The following STK4 variants were observed in gnomAD, a reference collection of about 807,000 sequenced individuals.
The protein encoded by STK4 is serine/threonine kinase 4, also known as serine/threonine-protein kinase 4.
STK4 carries 30 observed loss-of-function variants against 64.9 expected under a neutral mutation model. The ratio of observed to expected loss-of-function variants is 0.46; its 90% confidence interval spans 0.35 to 0.63. The LOEUF is 0.63. Ranked by LOEUF, STK4 falls within the 20% of genes least tolerant of loss-of-function variation. The pLI is 0.01. For synonymous variants in STK4, 177 were observed against 199.0 expected (o/e 0.89, Z 0.93); for missense variants, 466 against 598.5 (o/e 0.78, Z 2.31).
Position 45,000,461 on chromosome 20 carries a change from A to C in STK4, c.901A>C (p.Lys301Gln). ...RDLINEAMDV[K>Q]LKRQESQQRE... The stretch of plus-strand genomic sequence containing the variant: ...CTTAATTAATGAAGCCATGGATGTG[A>C]AACTGAAACGCCAGGAATCCCAGCA... Residue 301 changes from lysine to glutamine, a missense_variant, in exon 8 of 11, where the codon AAA (lysine) becomes CAA (glutamine). Around this residue, in one of 2 missense-constraint regions of STK4, gnomAD observed 276 missense variants for 308.9 expected, o/e 0.89. Transcript: ENST00000372806. 1 of 1,614,160 alleles carries C rather than the reference A, an allele frequency of 6.2e-7. No homozygotes were observed. The highest frequency in any genetic ancestry group is 8.5e-7 in the Non-Finnish European group (1 of 1,180,002).
chr20:45,074,025 G>A (rs1568776078), intron 10 of STK4, among the ~76,000 whole-genome samples: 1 of 152,194 alleles, frequency 6.6e-6, no homozygotes, highest in Non-Finnish European at 1.5e-5. Context: ...AACAAAGGTT[G>A]AGTTACTTCT....
intron 7 of STK4, among the ~76,000 whole-genome samples, chr20:44,998,681 C>T (rs1003371610): frequency 2.0e-5 from 3 of 152,122 alleles, no homozygotes; most frequent in African/African-American, 4.8e-5. Context: ...TGGCTTTCAA[C>T]GTGCAGTTAC....
chr20:45,051,343 T>G (rs2145438505), intron 10 of STK4, among the ~76,000 whole-genome samples: 1 of 152,360 alleles, frequency 6.6e-6, no homozygotes, highest in South Asian at 2.1e-4. Flanking sequence ...ACAATGCTTT[T>G]TATTTTTCTC....
intron 10 of STK4, among the ~76,000 whole-genome samples, chr20:45,059,494 G>A (rs1978803557): frequency 6.6e-6 from 1 of 152,146 alleles, no homozygotes; most frequent in Non-Finnish European, 1.5e-5. Flanking sequence ...GGTGACTACT[G>A]AGTGACTGAG....
intron 10 of STK4, among the ~76,000 whole-genome samples, chr20:45,032,392 A>G (rs1047221713): frequency 2.0e-5 from 3 of 152,126 alleles, no homozygotes; most frequent in Non-Finnish European, 2.9e-5. Flanking sequence ...ATAGTAACCC[A>G]TAGGTAGTTT....
At chr20:45,042,227 G>A (rs1488227237) in intron 10 of STK4, among the ~76,000 whole-genome samples, 2 of 146,634 alleles carry the variant, frequency 1.4e-5, no homozygotes, top group African/African-American at 2.5e-5. Context: ...CTTCTTTTGA[G>A]CTGTTGAAGA....
intron 2 of STK4, among the ~76,000 whole-genome samples, chr20:44,977,237 C>T (rs1207168183): frequency 6.6e-6 from 1 of 152,198 alleles, no homozygotes; most frequent in African/African-American, 2.4e-5. Flanking sequence ...GCAAGTATGA[C>T]AGCTTCTAAT....
chr20:45,014,695 T>A (rs1170383543), intron 9 of STK4, among the ~76,000 whole-genome samples: 2 of 152,122 alleles, frequency 1.3e-5, no homozygotes, highest in African/African-American at 4.8e-5. Flanking sequence ...CATGTACTCA[T>A]CCACTAAAGA....
Position 44,995,051 on chromosome 20 carries a change from T to G in STK4, c.526-39T>G, listed in dbSNP as rs369940114. The G allele has an allele frequency of 1.7e-5, 26 of 1,515,094 alleles. No homozygotes were observed. The African/African-American group carries it at 3.5e-4, about 20-fold the overall frequency. 93.9% of individuals were successfully genotyped at this position (1,515,094 alleles called of 1,614,324 possible). ...CTTCCTCTGTGGACATCTCAGTAGT[T>G]TTAAGCTTAGTGTCAGTCTCTCTCC... On this transcript the variant is annotated intron_variant, in intron 5 of 10. Transcript: ENST00000372806.
chr20:45,041,990 C>T (rs1327573290), intron 10 of STK4, among the ~76,000 whole-genome samples: 5 of 151,672 alleles, frequency 3.3e-5, no homozygotes, highest in African/African-American at 1.2e-4. Context: ...TTTAATTTTT[C>T]TATAATTTGA....
intron 10 of STK4, among the ~76,000 whole-genome samples, chr20:45,026,348 T>C (rs985688793): frequency 3.3e-5 from 5 of 151,004 alleles, no homozygotes; most frequent in South Asian, 2.1e-4. Flanking sequence ...TGTGTGTGTG[T>C]GCATAGTTTT....
Position 44,973,916 on chromosome 20 carries a change from A to G in STK4, c.116+1758A>G, listed in dbSNP as rs113823761. 4.4e-3 allele frequency among the ~76,000 whole-genome samples: 664 copies of G among 152,332 alleles called. 1 individual carries two copies. Among genetic ancestry groups the G allele is most frequent in the South Asian group, 0.017 (81 of 4,830 alleles). On this transcript the variant is annotated intron_variant, in intron 2 of 10. Coordinates refer to ENST00000372806, the MANE Select transcript of STK4 (RefSeq NM_006282.5). ...ACTGAAGCATTTTCAAGACCTCATC[A>G]TGTCAAGTCTTAAAGTATTTTTAGG... is the stretch of plus-strand genomic sequence containing the variant.
At chr20:45,035,456 T>C (rs1404623208) in intron 10 of STK4, among the ~76,000 whole-genome samples, 2 of 152,178 alleles carry the variant, frequency 1.3e-5, no homozygotes, top group African/African-American at 2.4e-5. Context: ...GCAAGTATTG[T>C]TGATTATTAG....
At chr20:44,967,360 C>G (rs2067169026) in intron 1 of STK4, 1 of 434,398 alleles carries the variant, frequency 2.3e-6, no homozygotes, top group East Asian at 1.6e-4. Context: ...CTCCGGGTCA[C>G]TGAACCCTGC....
At chr20:45,030,138 C>G (rs1019145749) in intron 10 of STK4, among the ~76,000 whole-genome samples, 2 of 147,426 alleles carry the variant, frequency 1.4e-5, no homozygotes, top group Admixed American at 1.4e-4. Flanking sequence ...GAGTCTCACT[C>G]TGTTGCTCAG....
chr20:45,065,541 G>C (rs1007614860), intron 10 of STK4, among the ~76,000 whole-genome samples: 1 of 152,082 alleles, frequency 6.6e-6, no homozygotes, highest in African/African-American at 2.4e-5. Context: ...CAATTTTCTG[G>C]AATAGTTTCA....
intron 2 of STK4, 96 bp downstream of exon 2, chr20:44,972,254 G>A (rs1191755215): frequency 9.1e-7 from 1 of 1,093,940 alleles, no homozygotes; most frequent in Non-Finnish European, 1.4e-6. Flanking sequence ...CATTGTTCTA[G>A]GTGGGGTGGA....
chr20:45,030,495 T>C lies in STK4; in HGVS notation c.1305+5365T>C, dbSNP rs1269431535. ...ATTCTGTTTCCTCCTATGAAGAGAATTGCTGCTTTCCAATGACCTTTTTGC... is the reference window on the plus strand; with the variant it reads ...ATTCTGTTTCCTCCTATGAAGAGAACTGCTGCTTTCCAATGACCTTTTTGC... On this transcript the variant is annotated intron_variant, in intron 10 of 10. Transcript: ENST00000372806. Among the ~76,000 whole-genome samples, 4 of 152,190 alleles carry C rather than the reference T, an allele frequency of 2.6e-5. No individual in the cohort carries two copies. In the East Asian group the frequency reaches 7.7e-4, roughly 29 times the overall value.
At position 45,070,612 on chromosome 20, in the gene STK4, G is replaced by A. The variant is rs553345919; in HGVS notation, c.1306-4406G>A. Reference sequence around the variant, plus strand: ...GTGTTAAGCTGCAGATTCTATTAGCGTGGTGGCTCACACCTGTAATCCCAG... The same window carrying A: ...GTGTTAAGCTGCAGATTCTATTAGCATGGTGGCTCACACCTGTAATCCCAG... On this transcript the variant is annotated intron_variant, in intron 10 of 10. Coordinates refer to ENST00000372806, the MANE Select transcript of STK4 (RefSeq NM_006282.5). Among the ~76,000 whole-genome samples the A allele has an allele frequency of 5.3e-5, 8 of 152,202 alleles. No individual in the cohort carries two copies. In the East Asian group the frequency reaches 1.4e-3, roughly 26 times the overall value.
Sources: gnomAD v4.1 joint callset for allele counts (sites outside exome capture counted in the v4.1 genomes callset) on GRCh38, gnomAD v4.1.1 for gene constraint, gnomAD v4.1.1 regional missense constraint, MANE v1.5 for transcripts, NCBI Gene and HGNC (gene_info 2026-07-23, HGNC 2026-07-21) for gene names.